Variants in PREPL observed in about 807,000 individuals in gnomAD.
PREPL encodes the protein prolyl endopeptidase-like.
In PREPL, 77 loss-of-function variants were observed where a neutral mutation model predicts 70.6. The ratio of observed to expected loss-of-function variants is 1.09; its 90% CI spans 0.91 to 1.32. The LOEUF is 1.32. PREPL is among the 40% of genes most tolerant of loss of function. The probability of loss-of-function intolerance (pLI) is 0.00; values close to 1 mark genes in which losing one functional copy is unlikely to be tolerated. For synonymous variants in PREPL, 315 were observed against 264.8 expected (o/e 1.19, Z -1.84); for missense variants, 1,002 against 778.2 (o/e 1.29, Z -3.42).
In PREPL at chr2:44,320,300, G is replaced by T. The variant is rs747909722; in HGVS notation, c.*1056C>A. On this transcript the variant is annotated 3_prime_UTR_variant, in exon 14 of 14. Transcript: ENST00000409411. The stretch of plus-strand genomic sequence containing the variant: ...TCAACAGGGGCTGGTTTTGCCATTT[G>T]AGGAATGACAGCCACTATGTTGTGT... 8 of 1,613,988 alleles carry T rather than the reference G, an allele frequency of 5.0e-6. No individual in the cohort carries two copies. In the South Asian group the frequency reaches 6.6e-5, roughly 13 times the overall value.
rs1180677536 is a variant in PREPL at position 44,322,722 on chromosome 2, G to A, written c.1753+9C>T. 1 of 1,611,890 alleles carries A rather than the reference G, an allele frequency of 6.2e-7. No homozygotes were observed. The highest frequency in any genetic ancestry group is 1.7e-5 in the Admixed American group (1 of 59,628). On this transcript the variant is annotated intron_variant, in intron 12 of 13. Coordinates refer to ENST00000409411, the MANE Select transcript of PREPL (RefSeq NM_001171613.2). ...TGGCCATGTTCCCTGCTTCTAGGGG[G>A]TCTCCTACCTTCACCTGTGTCCTTA...
In PREPL at chr2:44,322,906, G is replaced by C. The variant is rs370458325; in HGVS notation, c.1630-52C>G. 5 of 1,586,602 alleles carry C rather than the reference G, an allele frequency of 3.2e-6. No individual in the cohort carries two copies. The African/African-American group carries it at 6.8e-5, about 22-fold the overall frequency. On this transcript the variant is annotated intron_variant, in intron 11 of 13. Coordinates refer to ENST00000409411, the MANE Select transcript of PREPL (RefSeq NM_001171613.2). Reference sequence around the variant, plus strand: ...TTTACATTATTTCTTATGGTCCCTTGCCACTATAGAGACTATGAAAAATAA... The same window carrying C: ...TTTACATTATTTCTTATGGTCCCTTCCCACTATAGAGACTATGAAAAATAA...
intron 1 of PREPL, among the ~76,000 whole-genome samples, chr2:44,359,328 T>C (rs1572593626): frequency 1.3e-5 from 2 of 152,132 alleles, no homozygotes; most frequent in Admixed American, 6.5e-5. Flanking sequence ...TCGATGTATA[T>C]ACTCTTTTAT....
intron 1 of PREPL, among the ~76,000 whole-genome samples, chr2:44,355,776 TATAC>T (rs769489539): frequency 0.12 from 4,829 of 38,920 alleles, 76 homozygotes; most frequent in Middle Eastern, 0.2. Context: ...TATATATATA[TATAC>T]ACACACACAC....
At position 44,332,535 on chromosome 2, in the gene PREPL, T is replaced by C. The variant is rs1291542732; in HGVS notation, c.1010A>G (p.Lys337Arg). The change falls in exon 8 of 14, where the codon AAA becomes AGA. Residue 337 changes from lysine (K) to arginine (R), a missense_variant. Coordinates refer to ENST00000409411, the MANE Select transcript of PREPL (RefSeq NM_001171613.2). ...KYYTYKFAEG[K>R]LFEETGHEDP... ...TTCATGCCCAGTTTCCTCAAACAGT[T>C]TGCCTTCTGCAAACTTGTATGTGTA... 6.2e-6 allele frequency: 10 copies of C among 1,613,924 alleles called. No homozygotes were observed. The highest frequency in any genetic ancestry group is 1.3e-5 in the African/African-American group (1 of 74,892).
At chr2:44,343,310 A>T (rs1675425012) in intron 4 of PREPL, among the ~76,000 whole-genome samples, 1 of 152,194 alleles carries the variant, frequency 6.6e-6, no homozygotes, top group Non-Finnish European at 1.5e-5. Context: ...GCTTCCATTG[A>T]TAAACAGGTT....
intron 7 of PREPL, among the ~76,000 whole-genome samples, chr2:44,337,151 C>T (rs1674718802): frequency 6.6e-6 from 1 of 152,166 alleles, no homozygotes; most frequent in African/African-American, 2.4e-5. Flanking sequence ...TAACAGTTTC[C>T]TGAACATTTT....
chr2:44,326,816 A>G lies in PREPL; in HGVS notation c.1375T>C (p.Ser459Pro), dbSNP rs1430103477. 1.6e-5 allele frequency: 26 copies of G among 1,614,176 alleles called. No individual in the cohort carries two copies. The highest frequency in any genetic ancestry group is 2.2e-5 in the East Asian group (1 of 44,886). Residue 459 changes from serine (S) to proline (P), a missense_variant, in exon 10 of 14, where the codon TCT becomes CCT. Coordinates refer to ENST00000409411, the MANE Select transcript of PREPL (RefSeq NM_001171613.2). ...CIKTLHGQGF[S>P]QPSLTTLTAF... ...GTCAGGGTTGTTAGACTTGGCTGAGAAAAGCCTTGGCCATGAAGCGTCTTA... is the reference window on the plus strand; with the variant it reads ...GTCAGGGTTGTTAGACTTGGCTGAGGAAAGCCTTGGCCATGAAGCGTCTTA...
chr2:44,354,728 C>A (rs1676828937), intron 1 of PREPL, among the ~76,000 whole-genome samples: 1 of 152,176 alleles, frequency 6.6e-6, no homozygotes, highest in South Asian at 2.1e-4. Context: ...GCATGCGCCA[C>A]CAGGCCCGGC....
At chr2:44,322,169 C>T (rs1468475566) in intron 12 of PREPL, among the ~76,000 whole-genome samples, 1 of 152,094 alleles carries the variant, frequency 6.6e-6, no homozygotes, top group Non-Finnish European at 1.5e-5. Flanking sequence ...CATCAACCTG[C>T]CCTGTGGAAT....
intron 12 of PREPL, among the ~76,000 whole-genome samples, chr2:44,322,229 G>C (rs1378074036): frequency 6.6e-6 from 1 of 152,128 alleles, no homozygotes; most frequent in Admixed American, 6.6e-5. Context: ...GGATGGGGGT[G>C]ACAAATGGAG....
chr2:44,324,496 C>A (rs1302225369), intron 10 of PREPL, among the ~76,000 whole-genome samples: 3 of 151,950 alleles, frequency 2.0e-5, no homozygotes, highest in African/African-American at 7.3e-5. Flanking sequence ...AAGCAAAAAA[C>A]GCTAAGTAAA....
In PREPL at chr2:44,354,581, T is replaced by C. The variant is rs559036496; in HGVS notation, c.-49+6799A>G. Among the ~76,000 whole-genome samples, 594 of 151,756 alleles carry C rather than the reference T, an allele frequency of 3.9e-3. 4 individuals carry two copies. The highest frequency in any genetic ancestry group is 0.014 in the African/African-American group (559 of 41,344). On this transcript the variant is annotated intron_variant, in intron 1 of 13. Transcript: ENST00000409411. ...TATATTTATCCTTTCCTCCTCTCTT[T>C]TTTTTTTTTGAGATGGAGCCTCGCT...
intron 8 of PREPL, 94 bp from the exon 9 acceptor site, chr2:44,329,206 C>G (rs116405081): frequency 5.0e-6 from 5 of 1,005,336 alleles, no homozygotes; most frequent in African/African-American, 1.6e-5. Flanking sequence ...ACTGTCCCCA[C>G]TTGTGTGCTA....
In PREPL at chr2:44,321,250, ATAACT is replaced by A; in HGVS notation, c.*101_*105del. On this transcript the variant is annotated 3_prime_UTR_variant, in exon 14 of 14. Transcript: ENST00000409411. The stretch of plus-strand genomic sequence containing the variant: ...TGGAGAAGCACATTTTAAAAAATTA[ATAACT>A]TAAAAGTCTCAAGTTATTAATTTTT... 1 of 997,632 alleles carries A rather than the reference ATAACT, an allele frequency of 1.0e-6. No homozygotes were observed. The highest frequency in any genetic ancestry group is 1.5e-6 in the Non-Finnish European group (1 of 678,332). The allele number at this position is 997,632 out of a possible 1,614,324, so 61.8% of individuals were successfully genotyped here.
intron 9 of PREPL, among the ~76,000 whole-genome samples, chr2:44,328,585 T>C (rs1673774525): frequency 6.6e-6 from 1 of 151,296 alleles, no homozygotes; most frequent in Non-Finnish European, 1.5e-5. Flanking sequence ...AAATACAAAA[T>C]AATATTTGTG....
In PREPL at chr2:44,326,728, C is replaced by G. The variant is rs1327909924; in HGVS notation, c.1463G>C (p.Arg488Thr). ...CGTACTCACCTCCAAAGTCACCGCT[C>G]TCACCAGCTCTGGATTAGAATTACA... is the stretch of plus-strand genomic sequence containing the variant. The part of the protein sequence containing the change: ...ALCNSNPELV[R>T]AVTLEAPFLD... Residue 488 changes from arginine to threonine, a missense_variant, in exon 10 of 14, where the codon AGA becomes ACA. Physicochemically the swap from Arg to Thr is moderately conservative, Grantham distance 71. Coordinates refer to ENST00000409411, the MANE Select transcript of PREPL (RefSeq NM_001171613.2). 3.1e-6 allele frequency: 5 copies of G among 1,613,704 alleles called. No individual in the cohort carries two copies. The highest frequency in any genetic ancestry group is 3.3e-5 in the Admixed American group (2 of 59,984).
chr2:44,358,252 AC>A (rs2104247163), intron 1 of PREPL, among the ~76,000 whole-genome samples: 1 of 152,364 alleles, frequency 6.6e-6, no homozygotes, highest in African/African-American at 2.4e-5. Context: ...ATACATGCAT[AC>A]AACACAGATG....
intron 8 of PREPL, among the ~76,000 whole-genome samples, chr2:44,330,272 G>A (rs1572860120): frequency 6.6e-6 from 1 of 152,212 alleles, no homozygotes; most frequent in East Asian, 1.9e-4. Flanking sequence ...CCTGTGATGG[G>A]CTGGATCTGG....
Sources: gnomAD v4.1 joint callset for allele counts (sites outside exome capture counted in the v4.1 genomes callset) on GRCh38, gnomAD v4.1.1 for gene constraint, MANE v1.5 for transcripts, NCBI Gene and HGNC (gene_info 2026-07-23, HGNC 2026-07-21) for gene names.